PRR5L: variants seen among roughly 807,000 people sequenced by gnomAD.
PRR5L encodes the protein proline rich 5 like.
In PRR5L, 21 loss-of-function variants were observed where a neutral mutation model predicts 36.4. The ratio of observed to expected loss-of-function variants is 0.58; its 90% CI spans 0.41 to 0.83. The LOEUF is 0.83. PRR5L is among the 40% of genes least tolerant of loss of function. The pLI, the probability that PRR5L is intolerant of heterozygous loss-of-function variation, is 0.00. For missense variants in PRR5L, 381 were observed against 473.3 expected, an observed-to-expected ratio of 0.80 and a Z score of 1.81; for synonymous variants, 188 against 197.0, an observed-to-expected ratio of 0.95 and a Z score of 0.38.
intron 4 of PRR5L, among the ~76,000 whole-genome samples, chr11:36,428,180 C>T (rs1013834264): frequency 1.3e-5 from 2 of 152,140 alleles, no homozygotes; most frequent in South Asian, 2.1e-4. Context: ...TGGTGGAGCC[C>T]AGGCACCAGG....
At chr11:36,431,173 A>C (rs970212829) in intron 4 of PRR5L, among the ~76,000 whole-genome samples, 19 of 152,210 alleles carry the variant, frequency 1.2e-4, no homozygotes, top group Non-Finnish European at 2.5e-4. Context: ...TTACAGACCC[A>C]GGAAGACCAG....
intron 1 of PRR5L, among the ~76,000 whole-genome samples, chr11:36,374,249 C>T (rs1857230560): frequency 6.6e-6 from 1 of 152,076 alleles, no homozygotes; most frequent in Admixed American, 6.6e-5. Context: ...CACCCGCCAC[C>T]ATGCCCGGCT....
At chr11:36,430,734 G>T (rs1858475664) in intron 4 of PRR5L, among the ~76,000 whole-genome samples, 1 of 152,152 alleles carries the variant, frequency 6.6e-6, no homozygotes, top group Admixed American at 6.5e-5. Context: ...AGAATGTTAT[G>T]GTATTGCTAG....
At chr11:36,386,267 C>G (rs1857454770) in intron 1 of PRR5L, among the ~76,000 whole-genome samples, 1 of 151,766 alleles carries the variant, frequency 6.6e-6, no homozygotes, top group African/African-American at 2.4e-5. Flanking sequence ...GCCTGGGTGA[C>G]AGAGCGAGAC....
intron 1 of PRR5L, among the ~76,000 whole-genome samples, chr11:36,347,732 G>A (rs1379110121): frequency 1.3e-5 from 2 of 151,756 alleles, no homozygotes; most frequent in East Asian, 3.9e-4. Flanking sequence ...TTCTTGTCAA[G>A]CAGATGATGG....
chr11:36,401,285 G>A lies in PRR5L; in HGVS notation c.164G>A (p.Ser55Asn), dbSNP rs1857789462. The A allele has an allele frequency of 6.2e-7, 1 of 1,609,974 alleles. No homozygotes were observed. The highest frequency in any genetic ancestry group is 1.3e-5 in the African/African-American group (1 of 74,920). The change falls in exon 2 of 9, where the codon AGC becomes AAC. Residue 55 changes from serine (S) to asparagine (N), a missense_variant and splice_region_variant. Physicochemically the swap from Ser to Asn is conservative, Grantham distance 46. Transcript: ENST00000530639. ...CTGAGCTCCAGCTCAGCCTGGAACA[G>A]GTGAAGGAGGCTGCAGGATGTGGGG... is the stretch of plus-strand genomic sequence containing the variant. ...LQLSSSSAWN[S>N]VQTAVINVFK...
chr11:36,406,761 GCAAA>G (rs1395953923), intron 3 of PRR5L, among the ~76,000 whole-genome samples: 2 of 152,342 alleles, frequency 1.3e-5, no homozygotes, highest in Admixed American at 6.5e-5. Context: ...AAAGAGATGT[GCAAA>G]CAGAGAAGCC....
intron 1 of PRR5L, chr11:36,380,710 A>T (rs987399745): frequency 8.5e-5 from 13 of 152,218 alleles, no homozygotes; most frequent in Non-Finnish European, 1.3e-4. Context: ...TGACTTTTTT[A>T]AAAAACTCCC....
intron 1 of PRR5L, among the ~76,000 whole-genome samples, chr11:36,302,564 T>C (rs933851263): frequency 6.6e-6 from 1 of 152,084 alleles, no homozygotes; most frequent in Non-Finnish European, 1.5e-5. Flanking sequence ...GGCAGGCAGA[T>C]CACCTGAGCT....
At position 36,390,090 on chromosome 11, in the gene PRR5L, CAAAT is replaced by C. The variant is rs1009985218; in HGVS notation, c.-125-10904_-125-10901del. ...CCTTATGGGCCTCACAAACCTATAA[CAAAT>C]AATTCTGTAGTCATTTATTAAGGCA... On this transcript the variant is annotated intron_variant, in intron 1 of 8. Transcript: ENST00000530639. Among the ~76,000 whole-genome samples the C allele has an allele frequency of 1.6e-4, 25 of 152,246 alleles. No individual in the cohort carries two copies. In the East Asian group the frequency reaches 3.9e-3, roughly 24 times the overall value.
chr11:36,445,232 A>C (rs1430567527), intron 6 of PRR5L, among the ~76,000 whole-genome samples: 1 of 152,188 alleles, frequency 6.6e-6, no homozygotes, highest in Admixed American at 6.5e-5. Flanking sequence ...AGGGTACCCT[A>C]ATGATGTCTT....
At chr11:36,398,888 A>G (rs1857728023) in intron 1 of PRR5L, 1 of 152,276 alleles carries the variant, frequency 6.6e-6, no homozygotes, top group Non-Finnish European at 1.5e-5. Flanking sequence ...TACCAGTGCC[A>G]TGGAATGAGA....
At chr11:36,457,086 C>T (rs1312235543) in intron 8 of PRR5L, among the ~76,000 whole-genome samples, 1 of 152,210 alleles carries the variant, frequency 6.6e-6, no homozygotes, top group Non-Finnish European at 1.5e-5. Context: ...CCTGGCTCAT[C>T]CCAGTGGGCT....
At chr11:36,296,602 G>A (rs1453592889) in intron 1 of PRR5L, among the ~76,000 whole-genome samples, 164 bp downstream of exon 1, 1 of 152,204 alleles carries the variant, frequency 6.6e-6, no homozygotes, top group Non-Finnish European at 1.5e-5. Flanking sequence ...CAGAGGTCAA[G>A]TTCAGCAGCC....
intron 1 of PRR5L, among the ~76,000 whole-genome samples, chr11:36,299,987 G>C (rs1856357475): frequency 1.3e-5 from 2 of 152,210 alleles, no homozygotes; most frequent in East Asian, 3.8e-4. Flanking sequence ...TAAGTATGTT[G>C]TGAGATGAGC....
chr11:36,424,904 C>G (rs1177304735), intron 4 of PRR5L, among the ~76,000 whole-genome samples: 1 of 152,052 alleles, frequency 6.6e-6, no homozygotes, highest in African/African-American at 2.4e-5. Flanking sequence ...TCAATGCAAC[C>G]TCCGCCTCCC....
chr11:36,347,586 C>G (rs1267247856), intron 1 of PRR5L, among the ~76,000 whole-genome samples: 5 of 151,676 alleles, frequency 3.3e-5, no homozygotes, highest in African/African-American at 1.2e-4. Context: ...GAAGTGCTGT[C>G]AAGAGGAGTG....
chr11:36,298,430 A>T (rs1856337407), intron 1 of PRR5L, among the ~76,000 whole-genome samples: 1 of 152,106 alleles, frequency 6.6e-6, no homozygotes. Context: ...ACAGTCCCAT[A>T]TGGGGGTGAT....
intron 1 of PRR5L, among the ~76,000 whole-genome samples, chr11:36,387,939 T>G (rs1033166169): frequency 2.1e-4 from 15 of 71,468 alleles, no homozygotes; most frequent in Non-Finnish European, 3.2e-4. Context: ...TGGACTTTCT[T>G]GGGAAAAATC....
Sources: allele counts gnomAD v4.1 joint callset (sites outside exome capture counted in the v4.1 genomes callset), GRCh38; gene constraint gnomAD v4.1.1; transcripts MANE v1.5; gene names NCBI Gene and HGNC (gene_info 2026-07-23, HGNC 2026-07-21).